Variants in SGCD observed in about 807,000 individuals in gnomAD.
SGCD encodes the protein sarcoglycan delta, also known as delta-sarcoglycan.
A neutral mutation model predicts 36.6 loss-of-function variants in SGCD; 18 were observed. The observed-to-expected ratio is 0.49, with a 90% CI of 0.34 to 0.73. The LOEUF (loss-of-function observed/expected upper bound fraction) is 0.73, where lower values mean the gene tolerates loss of function less well. Ranked by LOEUF, SGCD falls within the 30% of genes least tolerant of loss-of-function variation. SGCD has a pLI of 0.01. For missense variants in SGCD, 387 were observed against 346.7 expected (o/e 1.12, Z -0.92); for synonymous variants, 133 against 130.6 (o/e 1.02, Z -0.12).
chr5:156,092,614 C>A (rs529640034), intron 1 of SGCD, among the ~76,000 whole-genome samples: 1 of 152,158 alleles, frequency 6.6e-6, no homozygotes, highest in Non-Finnish European at 1.5e-5. Flanking sequence ...ATTACTTACC[C>A]TTTTGTAGAT....
chr5:156,060,610 A>G lies in SGCD; in HGVS notation c.-281-57268A>G, dbSNP rs1478117290. ...CAAAGAAATTTATGTACCTTCATCA[A>G]TGCTGGAATATATGTTGTTTTGTTG... is the stretch of plus-strand genomic sequence containing the variant. On this transcript the variant is annotated intron_variant, in intron 1 of 9. Coordinates refer to the SGCD transcript ENST00000517913. 4.8e-5 allele frequency among the ~76,000 whole-genome samples: 7 copies of G among 145,618 alleles called. No individual in the cohort carries two copies. The South Asian group carries it at 1.3e-3, about 27-fold the overall frequency.
chr5:156,158,397 C>T (rs1763014285), intron 3 of SGCD, among the ~76,000 whole-genome samples: 2 of 151,690 alleles, frequency 1.3e-5, no homozygotes, highest in South Asian at 2.1e-4. Context: ...AAACTGAGGG[C>T]CTACTCAAGC....
In SGCD at chr5:156,761,635, G is replaced by A. The variant is rs1446976138; in HGVS notation, c.*2245G>A. 1 of 151,840 alleles carries A rather than the reference G, an allele frequency of 6.6e-6. No homozygotes were observed. Among genetic ancestry groups the A allele is most frequent in the Non-Finnish European group, 1.5e-5 (1 of 68,024 alleles). The allele number at this position is 151,840 out of a possible 1,614,324, so 9.4% of individuals were successfully genotyped here. A position where few individuals can be genotyped will look rare whatever the true frequency, so the allele number is the denominator to read the frequency against. ...AGGTTAAGACAGGTGATTTTTTAAA[G>A]TAGACTGTCTTTGCATTTTGCCATC... On this transcript the variant is annotated 3_prime_UTR_variant, in exon 9 of 9. Coordinates refer to ENST00000337851, the MANE Select transcript of SGCD (RefSeq NM_000337.6).
At chr5:155,781,363 A>G in the SGCD span, among the ~76,000 whole-genome samples, 2 of 152,312 alleles carry the variant, frequency 1.3e-5, no homozygotes, top group South Asian at 2.1e-4. Context: ...ACACCTCGCA[A>G]ACCCTCACAG....
chr5:156,143,665 GT>G (rs1762629311), intron 3 of SGCD, among the ~76,000 whole-genome samples: 1 of 152,200 alleles, frequency 6.6e-6, no homozygotes. Flanking sequence ...GGAGGTTTAA[GT>G]TTTGATGACT....
rs1181261773 is a variant in SGCD, at chr5:156,229,269, TATAC to T, written c.-43-100257_-43-100254del. Among the ~76,000 whole-genome samples the T allele has an allele frequency of 1.4e-3, 121 of 88,506 alleles. 4 individuals are homozygous for T. In the Middle Eastern group the frequency reaches 0.02, roughly 14 times the overall value. 58.1% of individuals were successfully genotyped at this position (88,506 alleles called of 152,430 possible). ...ATATATATACATACATACATATATA[TATAC>T]ATACATATATATATATATATATATA... On this transcript the variant is annotated intron_variant, in intron 3 of 9. Coordinates refer to the SGCD transcript ENST00000517913.
intron 3 of SGCD, among the ~76,000 whole-genome samples, chr5:156,191,798 G>A (rs1434257891): frequency 6.6e-6 from 1 of 152,144 alleles, no homozygotes; most frequent in Non-Finnish European, 1.5e-5. Context: ...GTGGGAACCA[G>A]CCAATCATTT....
At chr5:156,120,904 G>C (rs189281511) in intron 2 of SGCD, among the ~76,000 whole-genome samples, 1 of 152,218 alleles carries the variant, frequency 6.6e-6, no homozygotes, top group East Asian at 1.9e-4. Context: ...CAGAATGCAG[G>C]AATAATTGTA....
chr5:156,253,094 G>A (rs1022968628), intron 3 of SGCD, among the ~76,000 whole-genome samples: 7 of 152,194 alleles, frequency 4.6e-5, no homozygotes, highest in African/African-American at 1.7e-4. Flanking sequence ...GGGAGTGGGG[G>A]TGTTTATTAA....
the SGCD span, among the ~76,000 whole-genome samples, chr5:155,790,060 C>G: frequency 6.6e-6 from 1 of 151,974 alleles, no homozygotes; most frequent in African/African-American, 2.4e-5. Flanking sequence ...AAAAAAAATG[C>G]ATATGATGTT....
chr5:156,203,177 G>C (rs1260664657), intron 3 of SGCD, among the ~76,000 whole-genome samples: 8 of 152,060 alleles, frequency 5.3e-5, no homozygotes, highest in Non-Finnish European at 8.8e-5. Flanking sequence ...TTTCATTAGT[G>C]CCTCTATTTG....
At chr5:156,460,401 T>C (rs930054802) in intron 3 of SGCD, among the ~76,000 whole-genome samples, 4 of 152,154 alleles carry the variant, frequency 2.6e-5, no homozygotes, top group Admixed American at 1.3e-4. Context: ...CTAATGCTTT[T>C]GGAGTTCAAA....
At chr5:156,200,988 A>C (rs12188348) in intron 3 of SGCD, among the ~76,000 whole-genome samples, 46,930 of 152,040 alleles carry the variant, frequency 0.31, 7,716 homozygotes, top group East Asian at 0.59. Flanking sequence ...AAATAAGCCA[A>C]TCACAAAAGG....
Position 156,759,378 on chromosome 5 carries a change from T to C in SGCD, c.861T>C (p.Ser287=). ...GAGSTCQINT[S]VCL is the part of the protein sequence containing the mutation. Reference sequence around the variant, plus strand: ...GGTCCACTTGTCAGATAAACACAAGTGTCTGCCTCTGAAAGACTATCCATA... The same window carrying C: ...GGTCCACTTGTCAGATAAACACAAGCGTCTGCCTCTGAAAGACTATCCATA... Residue 287 remains serine (S), a synonymous_variant, in exon 9 of 9, where the codon AGT becomes AGC. Coordinates refer to ENST00000337851, the MANE Select transcript of SGCD (RefSeq NM_000337.6). The C allele has an allele frequency of 6.2e-7, 1 of 1,608,166 alleles. No individual in the cohort carries two copies. The highest frequency in any genetic ancestry group is 8.5e-7 in the Non-Finnish European group (1 of 1,175,478).
intron 1 of SGCD, among the ~76,000 whole-genome samples, chr5:155,986,824 A>G (rs1287497004): frequency 6.6e-6 from 1 of 152,138 alleles, no homozygotes; most frequent in Non-Finnish European, 1.5e-5. Context: ...TCAATTTTAT[A>G]TCAAATCAAA....
At chr5:156,432,562 G>A (rs1249559778) in intron 3 of SGCD, among the ~76,000 whole-genome samples, 3 of 152,168 alleles carry the variant, frequency 2.0e-5, no homozygotes, top group Non-Finnish European at 2.9e-5. Context: ...ACCAGGGCAG[G>A]TAGAGAAATA....
chr5:156,249,651 T>C (rs1765526104), intron 3 of SGCD, among the ~76,000 whole-genome samples: 1 of 151,980 alleles, frequency 6.6e-6, no homozygotes, highest in Non-Finnish European at 1.5e-5. Context: ...TTTCTCTTTC[T>C]CTTTAAGCCC....
chr5:156,202,654 C>T (rs920114593), intron 3 of SGCD, among the ~76,000 whole-genome samples: 7 of 151,854 alleles, frequency 4.6e-5, no homozygotes, highest in Admixed American at 2.6e-4. Flanking sequence ...TGTAGATCAA[C>T]TGACTGCTTC....
At chr5:156,531,734 TA>T (rs1399587059) in intron 4 of SGCD, among the ~76,000 whole-genome samples, 1 of 152,166 alleles carries the variant, frequency 6.6e-6, no homozygotes. Context: ...CTTATATGCA[TA>T]GCCTTATGCA....
Sources: allele counts gnomAD v4.1 joint callset (sites outside exome capture counted in the v4.1 genomes callset), GRCh38; gene constraint gnomAD v4.1.1; transcripts MANE v1.5; gene names NCBI Gene and HGNC (gene_info 2026-07-23, HGNC 2026-07-21).